MYLIP: variants seen among roughly 807,000 people sequenced by gnomAD.
MYLIP encodes the protein E3 ubiquitin-protein ligase MYLIP.
In MYLIP, 26 loss-of-function variants were observed where a neutral mutation model predicts 45.8. The ratio of observed to expected loss-of-function variants is 0.57; its 90% CI spans 0.42 to 0.79. The LOEUF (loss-of-function observed/expected upper bound fraction) is 0.79, where lower values mean the gene tolerates loss of function less well. Among genes scored for constraint, MYLIP ranks in the 30% least tolerant of loss-of-function variants. The pLI, the probability that MYLIP is intolerant of heterozygous loss-of-function variation, is 0.00. For missense variants in MYLIP, 494 were observed against 555.6 expected, an observed-to-expected ratio of 0.89 and a Z score of 1.11; for synonymous variants, 213 against 218.1, an observed-to-expected ratio of 0.98 and a Z score of 0.21.
At chr6:16,136,255 G>A (rs1272532847) in intron 2 of MYLIP, among the ~76,000 whole-genome samples, 1 of 42,300 alleles carries the variant, frequency 2.4e-5, no homozygotes, top group Non-Finnish European at 4.7e-5. Context: ...CCCACCCACC[G>A]CACACCACAC....
Position 16,129,311 on chromosome 6 carries a change from G to GCAGCCC in MYLIP, c.-6_-1dup, listed in dbSNP as rs1379642706. 1 of 1,557,250 alleles carries GCAGCCC rather than the reference G, an allele frequency of 6.4e-7. No individual in the cohort carries two copies. The highest frequency in any genetic ancestry group is 1.4e-5 in the African/African-American group (1 of 73,262). ...AGAGAAGGCGGCTGTGGCGGCAGCG[G>GCAGCCC]CAGCCCCAGCCATGCTGTGTTATGT... On this transcript the variant is annotated 5_prime_UTR_variant, in exon 1 of 7. Transcript: ENST00000356840. This position sits in a 1 kb window ranked among gnomAD's most constrained non-coding sequence, Gnocchi z 5.1.
Position 16,141,675 on chromosome 6 carries a change from T to TA in MYLIP, c.329_330insA (p.Cys111ValfsTer29), listed in dbSNP as rs1470825710. 2 of 1,613,954 alleles carry TA rather than the reference T, an allele frequency of 1.2e-6. No individual in the cohort carries two copies. The highest frequency in any genetic ancestry group is 1.3e-5 in the African/African-American group (1 of 74,934). On this transcript the variant is annotated frameshift_variant, in exon 3 of 7. Transcript: ENST00000356840. LOFTEE classifies it high-confidence loss of function. ...GAGGCCCTCTTGGCAGGCCACCTCT[T>TA]GTGTTCCCCAGAGCAGGCAGTGGAA... is the stretch of plus-strand genomic sequence containing the variant.
intron 2 of MYLIP, among the ~76,000 whole-genome samples, chr6:16,131,365 G>A (rs1251905790): frequency 2.6e-5 from 4 of 152,214 alleles, no homozygotes; most frequent in Non-Finnish European, 5.9e-5. Flanking sequence ...CGATTGGTGA[G>A]TATAGATTGA....
chr6:16,131,165 A>G (rs1759454030), intron 2 of MYLIP, among the ~76,000 whole-genome samples: 2 of 152,208 alleles, frequency 1.3e-5, no homozygotes, highest in South Asian at 2.1e-4. Flanking sequence ...AGAAAGCAGG[A>G]AACAGTTCCT....
At chr6:16,162,449 G>A in the MYLIP span, among the ~76,000 whole-genome samples, 26 of 152,126 alleles carry the variant, frequency 1.7e-4, 1 homozygote, top group South Asian at 2.1e-4. Context: ...GTTTAACTAG[G>A]CTCTAATTAT....
chr6:16,144,313 C>T (rs1191835235), intron 5 of MYLIP, among the ~76,000 whole-genome samples: 1 of 152,206 alleles, frequency 6.6e-6, no homozygotes, highest in Admixed American at 6.5e-5. Context: ...TGCTCCACTG[C>T]TCAGGAGAAG....
At position 16,145,434 on chromosome 6, in the gene MYLIP, C is replaced by A; in HGVS notation, c.1248+117C>A. ...CAGACGGGGAATGCCCATCTTCACC[C>A]GGAAAGGGTCTTTGTATTTGGTGAC... On this transcript the variant is annotated intron_variant, in intron 6 of 6. Transcript: ENST00000356840. The A allele has an allele frequency of 4.3e-6, 5 of 1,170,650 alleles. No homozygotes were observed. In the South Asian group the frequency reaches 6.7e-5, roughly 16 times the overall value. The allele number at this position is 1,170,650 out of a possible 1,614,324, so 72.5% of individuals were successfully genotyped here.
At chr6:16,158,930 T>G in the MYLIP span, among the ~76,000 whole-genome samples, 1 of 152,180 alleles carries the variant, frequency 6.6e-6, no homozygotes, top group South Asian at 2.1e-4. Context: ...TTTTTGAAGA[T>G]TAAATGAGAT....
chr6:16,145,389 G>C (rs1249893536), intron 6 of MYLIP, 72 bp downstream of exon 6: 22 of 1,492,172 alleles, frequency 1.5e-5, no homozygotes, highest in Non-Finnish European at 1.8e-5. Context: ...GTAGGAGCCA[G>C]GTACTGGCTC....
At chr6:16,142,857 T>G (rs1294058083) in intron 3 of MYLIP, among the ~76,000 whole-genome samples, 163 bp from the exon 4 acceptor site, 1 of 152,212 alleles carries the variant, frequency 6.6e-6, no homozygotes, top group Non-Finnish European at 1.5e-5. Context: ...CTTAGACGTT[T>G]TTTATAGTAA....
the MYLIP span, among the ~76,000 whole-genome samples, chr6:16,154,413 G>A: frequency 6.6e-5 from 10 of 152,268 alleles, no homozygotes; most frequent in African/African-American, 9.6e-5. Context: ...CAACATGCCC[G>A]TGAAGCAGAG....
the MYLIP span, among the ~76,000 whole-genome samples, chr6:16,160,688 G>A: frequency 6.6e-6 from 1 of 152,158 alleles, no homozygotes; most frequent in Non-Finnish European, 1.5e-5. Context: ...TGAAATCTCA[G>A]TTACTCAGGA....
At chr6:16,145,796 G>C (rs1003068425) in intron 6 of MYLIP, among the ~76,000 whole-genome samples, 1 of 152,186 alleles carries the variant, frequency 6.6e-6, no homozygotes, top group Admixed American at 6.5e-5. Flanking sequence ...GATTGCAAAT[G>C]CCTCAAGGGC....
chr6:16,148,439 T>C (rs1031580560), downstream of MYLIP, among the ~76,000 whole-genome samples: 129 of 151,552 alleles, frequency 8.5e-4, 2 homozygotes, highest in African/African-American at 2.8e-3. Flanking sequence ...CTTGAGAGTA[T>C]AGTCTTTTTT....
chr6:16,135,757 A>ATC (rs935183078), intron 2 of MYLIP, among the ~76,000 whole-genome samples: 33 of 70,848 alleles, frequency 4.7e-4, no homozygotes, highest in African/African-American at 9.3e-4. Flanking sequence ...ACATATATCT[A>ATC]TATATATATA....
At chr6:16,139,443 C>T (rs953219571) in intron 2 of MYLIP, among the ~76,000 whole-genome samples, 2 of 151,846 alleles carry the variant, frequency 1.3e-5, no homozygotes, top group Admixed American at 1.3e-4. Context: ...AAGAAGACTT[C>T]GTTTGTGGCA....
chr6:16,129,905 G>A lies in MYLIP; in HGVS notation c.87+496G>A, dbSNP rs1759423166. Reference sequence around the variant, plus strand: ...TCAGGCTGCTGCTCTCAAATGCACCGTTCACCTGCATCTCCGGGTTTGCGG... The same window carrying A: ...TCAGGCTGCTGCTCTCAAATGCACCATTCACCTGCATCTCCGGGTTTGCGG... On this transcript the variant is annotated intron_variant, in intron 1 of 6. Coordinates refer to ENST00000356840, the MANE Select transcript of MYLIP (RefSeq NM_013262.4). This position sits in a 1 kb window ranked among gnomAD's most constrained non-coding sequence, Gnocchi z 5.1. Among the ~76,000 whole-genome samples the A allele has an allele frequency of 6.6e-6, 1 of 152,212 alleles. No homozygotes were observed. The highest frequency in any genetic ancestry group is 2.4e-5 in the African/African-American group (1 of 41,474).
intron 2 of MYLIP, among the ~76,000 whole-genome samples, chr6:16,140,388 A>G (rs1759643330): frequency 6.6e-6 from 1 of 152,200 alleles, no homozygotes; most frequent in African/African-American, 2.4e-5. Flanking sequence ...ATAGTATTGT[A>G]TACAACTAGG....
intron 2 of MYLIP, among the ~76,000 whole-genome samples, chr6:16,131,555 A>T (rs1759460583): frequency 6.6e-6 from 1 of 152,248 alleles, no homozygotes; most frequent in Non-Finnish European, 1.5e-5. Flanking sequence ...CTTCAATCTT[A>T]CAGTGGCATA....
Sources: gnomAD v4.1 joint callset for allele counts (sites outside exome capture counted in the v4.1 genomes callset) on GRCh38, gnomAD v4.1.1 for gene constraint, Gnocchi (gnomAD v3.1) non-coding constraint, MANE v1.5 for transcripts, NCBI Gene and HGNC (gene_info 2026-07-23, HGNC 2026-07-21) for gene names.